The following PTPN3 variants were observed in gnomAD, a reference collection of about 807,000 sequenced individuals.
The protein encoded by PTPN3 is protein tyrosine phosphatase non-receptor type 3, also known as tyrosine-protein phosphatase non-receptor type 3.
A neutral mutation model predicts 132.7 loss-of-function variants in PTPN3; 96 were observed. The observed-to-expected ratio is 0.72, with a 90% CI of 0.61 to 0.86. PTPN3 has a LOEUF of 0.86. Ranked by LOEUF, PTPN3 falls within the 40% of genes least tolerant of loss-of-function variation. The probability of loss-of-function intolerance (pLI) is 0.00; values close to 1 mark genes in which losing one functional copy is unlikely to be tolerated. For synonymous variants in PTPN3, 398 were observed against 429.0 expected (o/e 0.93, Z 0.89); for missense variants, 1,125 against 1,159.6 (o/e 0.97, Z 0.43).
At position 109,420,520 on chromosome 9, in the gene PTPN3, A is replaced by G. The variant is rs774111449; in HGVS notation, c.1217T>C (p.Ile406Thr). 3 of 1,613,468 alleles carry G rather than the reference A, an allele frequency of 1.9e-6. No individual in the cohort carries two copies. The highest frequency in any genetic ancestry group is 2.5e-6 in the Non-Finnish European group (3 of 1,179,904). ...GTAAAATACATCTTCCGTTTCCGTG[A>G]TGTAGGTCATTTCATTTGCAAGGTT... ...ADNLANEMTY[I>T]TETEDVFYTY... The change falls in exon 14 of 26, where the codon ATC becomes ACC. Residue 406 changes from isoleucine to threonine, a missense_variant. Transcript: ENST00000374541.
chr9:109,533,398 G>A, the PTPN3 span: 11 of 887,238 alleles, frequency 1.2e-5, no homozygotes, highest in African/African-American at 1.5e-4. Flanking sequence ...CGCCCGCCTC[G>A]GCCTCTCAAA....
At chr9:109,489,060 T>C (rs1267408868) in intron 1 of PTPN3, among the ~76,000 whole-genome samples, 1 of 152,162 alleles carries the variant, frequency 6.6e-6, no homozygotes, top group Non-Finnish European at 1.5e-5. Flanking sequence ...AGGTCTAGGG[T>C]GACTCCCGCC....
At chr9:109,535,467 G>C in the PTPN3 span, among the ~76,000 whole-genome samples, 1 of 152,022 alleles carries the variant, frequency 6.6e-6, no homozygotes. Context: ...CTGATCTTCA[G>C]TTGATCTGAT....
At chr9:109,438,846 A>T (rs1168004153) in intron 7 of PTPN3, among the ~76,000 whole-genome samples, 1 of 152,224 alleles carries the variant, frequency 6.6e-6, no homozygotes, top group African/African-American at 2.4e-5. Flanking sequence ...CTGAATGGTC[A>T]GGGCTCAGGC....
chr9:109,483,631 A>C (rs1039912103), intron 1 of PTPN3, among the ~76,000 whole-genome samples: 3 of 152,292 alleles, frequency 2.0e-5, no homozygotes, highest in Non-Finnish European at 4.4e-5. Flanking sequence ...GAGGGATGAG[A>C]TATCAAGCAA....
intron 4 of PTPN3, among the ~76,000 whole-genome samples, chr9:109,455,202 TCA>T (rs1378056020): frequency 2.6e-5 from 4 of 152,234 alleles, no homozygotes; most frequent in Admixed American, 2.0e-4. Flanking sequence ...TACTAGTAAA[TCA>T]CACAATGAAC....
intron 1 of PTPN3, among the ~76,000 whole-genome samples, chr9:109,472,198 T>C (rs969655510): frequency 6.6e-6 from 1 of 152,262 alleles, no homozygotes; most frequent in South Asian, 2.1e-4. Flanking sequence ...TATCACTTGA[T>C]ATTGCATAAC....
At chr9:109,527,745 T>C in the PTPN3 span, among the ~76,000 whole-genome samples, 115 of 152,334 alleles carry the variant, frequency 7.5e-4, no homozygotes, top group African/African-American at 2.6e-3. Context: ...CATGTACAAC[T>C]ATTGCATATC....
Position 109,463,321 on chromosome 9 carries a change from GC to G in PTPN3, c.113del (p.Gly38AlafsTer27). ...CAGTAACTTTAAAGGTCTGTACCAC[GC>G]CATCTAAAAAGTGGATGCTGCAAAT... ...EVICSIHFLD[G>X]VVQTFKVTKQ... On this transcript the variant is annotated frameshift_variant, in exon 2 of 26. Transcript: ENST00000374541. LOFTEE classifies it high-confidence loss of function. 1 of 1,612,852 alleles carries G rather than the reference GC, an allele frequency of 6.2e-7. No homozygotes were observed. The highest frequency in any genetic ancestry group is 8.5e-7 in the Non-Finnish European group (1 of 1,179,672).
Position 109,408,829 on chromosome 9 carries a change from TATATATATGGGCTTTA to T in PTPN3, c.1579-468_1579-453del, listed in dbSNP as rs1294326790. On this transcript the variant is annotated intron_variant, in intron 16 of 25. Coordinates refer to ENST00000374541, the MANE Select transcript of PTPN3 (RefSeq NM_002829.4). ...TATATATATATATATGGGCTTTATA[TATATATATGGGCTTTA>T]ATATATATATATATGGGCTTTATAT... is the stretch of plus-strand genomic sequence containing the variant. 5.1e-5 allele frequency among the ~76,000 whole-genome samples: 7 copies of T among 136,698 alleles called. No individual in the cohort carries two copies. The East Asian group carries it at 6.3e-4, about 12-fold the overall frequency. 89.7% of individuals were successfully genotyped at this position (136,698 alleles called of 152,430 possible).
intron 12 of PTPN3, 48 bp from the exon 13 acceptor site, chr9:109,422,900 A>G (rs777233835): frequency 1.3e-6 from 2 of 1,589,312 alleles, no homozygotes; most frequent in Admixed American, 1.7e-5. Flanking sequence ...GTTCAACAGG[A>G]AAGAAATTAC....
the PTPN3 span, among the ~76,000 whole-genome samples, chr9:109,534,632 C>CAAAAAAAAAAAAAA: frequency 1.0e-4 from 11 of 108,750 alleles, no homozygotes; most frequent in Non-Finnish European, 1.8e-4. Context: ...CAAAAAAATA[C>CAAAAAAAAAAAAAA]AAAAAAAAAA....
the PTPN3 span, among the ~76,000 whole-genome samples, chr9:109,509,076 TGTC>T: frequency 6.6e-6 from 1 of 152,202 alleles, no homozygotes; most frequent in South Asian, 2.1e-4. Flanking sequence ...ATTCTTTTGT[TGTC>T]CACCTGTATT....
chr9:109,520,199 A>G, the PTPN3 span, among the ~76,000 whole-genome samples: 1 of 152,028 alleles, frequency 6.6e-6, no homozygotes, highest in East Asian at 1.9e-4. Flanking sequence ...TCATACCAAG[A>G]AGAGGCAAAA....
intron 1 of PTPN3, among the ~76,000 whole-genome samples, chr9:109,464,199 T>C (rs1588470228): frequency 6.6e-6 from 1 of 152,196 alleles, no homozygotes; most frequent in Non-Finnish European, 1.5e-5. Context: ...GTGCAACCAC[T>C]GTACGATGGA....
chr9:109,500,998 G>A (rs964470315), upstream of PTPN3, among the ~76,000 whole-genome samples: 11 of 150,670 alleles, frequency 7.3e-5, no homozygotes, highest in Non-Finnish European at 1.6e-4. Context: ...CATTCACCAA[G>A]ACTGGAAGGA....
intron 1 of PTPN3, among the ~76,000 whole-genome samples, chr9:109,468,777 T>A (rs912737228): frequency 1.3e-5 from 2 of 152,226 alleles, no homozygotes; most frequent in Non-Finnish European, 2.9e-5. Context: ...GAGTTGCACA[T>A]GGAAAGTGCC....
chr9:109,404,717 T>C (rs1841418781), intron 18 of PTPN3, 109 bp from the exon 19 acceptor site: 2 of 1,211,902 alleles, frequency 1.7e-6, no homozygotes, highest in African/African-American at 3.1e-5. Context: ...GTTCAAAACA[T>C]CTTATTAAAT....
At chr9:109,427,463 T>C (rs1266542390) in intron 11 of PTPN3, among the ~76,000 whole-genome samples, 1 of 152,234 alleles carries the variant, frequency 6.6e-6, no homozygotes, top group Non-Finnish European at 1.5e-5. Flanking sequence ...ATTTTAACTC[T>C]GGGAACATCT....
Sources: allele counts gnomAD v4.1 joint callset (sites outside exome capture counted in the v4.1 genomes callset), GRCh38; gene constraint gnomAD v4.1.1; transcripts MANE v1.5; gene names NCBI Gene and HGNC (gene_info 2026-07-23, HGNC 2026-07-21).